The following MYL4 variants were observed in gnomAD, a reference collection of about 807,000 sequenced individuals.
MYL4 encodes atrial myosin light chain 1.
In MYL4, 16 loss-of-function variants were observed where a neutral mutation model predicts 21.6. The ratio of observed to expected loss-of-function variants is 0.74; its 90% CI spans 0.50 to 1.12. The LOEUF is 1.12. Ranked by LOEUF, MYL4 falls within the 50% of genes most tolerant of loss-of-function variation. MYL4 has a pLI of 0.00. For missense variants in MYL4, 249 were observed against 252.9 expected (o/e 0.98, Z 0.11); for synonymous variants, 82 against 95.7 (o/e 0.86, Z 0.83).
At chr17:47,208,275 T>C (rs2064743156), upstream of MYL4, among the ~76,000 whole-genome samples, 1 of 151,156 alleles carries the variant, frequency 6.6e-6, no homozygotes, top group Non-Finnish European at 1.5e-5. Flanking sequence ...ACAAAAAAAC[T>C]CCCCCAAAAT....
In MYL4 at chr17:47,222,409, C is replaced by A; in HGVS notation, c.517C>A (p.Gln173Lys). The stretch of plus-strand genomic sequence containing the variant: ...GAAGATGACTGAGGCTGAAGTGGAG[C>A]AGCTGTTAGCTGGGCAAGAGGATGC... ...GEKMTEAEVE[Q>K]LLAGQEDANG... Residue 173 changes from glutamine (Q) to lysine (K), a missense_variant, in exon 5 of 7, where the codon CAG becomes AAG. Physicochemically the swap from Gln to Lys is moderately conservative, Grantham distance 53. Transcript: ENST00000393450. 3.1e-6 allele frequency: 5 copies of A among 1,614,180 alleles called. No individual in the cohort carries two copies. Among genetic ancestry groups the A allele is most frequent in the Non-Finnish European group, 4.2e-6 (5 of 1,180,026 alleles).
intron 2 of MYL4, among the ~76,000 whole-genome samples, chr17:47,217,513 C>A (rs1369706134): frequency 6.6e-6 from 1 of 151,878 alleles, no homozygotes; most frequent in African/African-American, 2.4e-5. Flanking sequence ...GTGTTATTTC[C>A]TTTTTACAAA....
chr17:47,197,255 C>T (rs1285987374), upstream of MYL4, among the ~76,000 whole-genome samples: 5 of 151,980 alleles, frequency 3.3e-5, no homozygotes, highest in East Asian at 1.9e-4. Context: ...CCCGCCACCA[C>T]GCCTGGCTAA....
chr17:47,213,786 T>G lies in MYL4; in HGVS notation c.136-13T>G. On this transcript the variant is annotated splice_polypyrimidine_tract_variant and intron_variant, in intron 1 of 6. Coordinates refer to ENST00000393450, the MANE Select transcript of MYL4 (RefSeq NM_002476.2). ...AGCAATCCAAGCCCTCACTACTATT[T>G]CCCTCCCTACAGATAGACTTCACTG... is the stretch of plus-strand genomic sequence containing the variant. 6.2e-7 allele frequency: 1 copy of G among 1,613,946 alleles called. No homozygotes were observed. Among genetic ancestry groups the G allele is most frequent in the Non-Finnish European group, 8.5e-7 (1 of 1,179,930 alleles).
At chr17:47,220,609 T>G (rs2064848649) in intron 3 of MYL4, among the ~76,000 whole-genome samples, 1 of 152,204 alleles carries the variant, frequency 6.6e-6, no homozygotes, top group African/African-American at 2.4e-5. Context: ...GTGTTTAGAA[T>G]GGTGAGTAAG....
At chr17:47,201,783 C>T (rs1353461691) in intron 1 of MYL4, among the ~76,000 whole-genome samples, 1 of 152,096 alleles carries the variant, frequency 6.6e-6, no homozygotes, top group Non-Finnish European at 1.5e-5. Flanking sequence ...TCTTTTATCT[C>T]ATTGACCCAG....
upstream of MYL4, among the ~76,000 whole-genome samples, chr17:47,208,483 G>A (rs1312394041): frequency 6.6e-6 from 1 of 151,830 alleles, no homozygotes; most frequent in Non-Finnish European, 1.5e-5. Context: ...TAGGATCATG[G>A]TGAAGATTTA....
chr17:47,224,107 G>A (rs549015814), downstream of MYL4, among the ~76,000 whole-genome samples: 3 of 152,330 alleles, frequency 2.0e-5, no homozygotes, highest in South Asian at 6.2e-4. Flanking sequence ...ATACAAGTCA[G>A]TAGAGTGAGG....
Position 47,220,281 on chromosome 17 carries a change from G to A in MYL4, c.313+228G>A, listed in dbSNP as rs570227160. Reference sequence around the variant, plus strand: ...TGTAGCCTGGGCTTGTTTCCCTCACGAGGTTGGGAGCTCCTGTGGGGCATG... The same window carrying A: ...TGTAGCCTGGGCTTGTTTCCCTCACAAGGTTGGGAGCTCCTGTGGGGCATG... On this transcript the variant is annotated intron_variant, in intron 3 of 6. Transcript: ENST00000393450. 3.2e-4 allele frequency among the ~76,000 whole-genome samples: 49 copies of A among 152,330 alleles called. 1 individual carries two copies. In the South Asian group the frequency reaches 7.5e-3, roughly 23 times the overall value.
intron 2 of MYL4, among the ~76,000 whole-genome samples, chr17:47,218,137 C>G (rs16941671): frequency 0.082 from 12,462 of 151,602 alleles, 699 homozygotes; most frequent in East Asian, 0.2. Flanking sequence ...ATTTATTTGT[C>G]CAAAGTCAAG....
downstream of MYL4, among the ~76,000 whole-genome samples, chr17:47,226,775 T>G (rs1048815484): frequency 4.6e-5 from 7 of 152,228 alleles, no homozygotes; most frequent in African/African-American, 1.7e-4. Context: ...GTGTGTGACC[T>G]CTACACATGG....
At chr17:47,222,285 C>A in intron 4 of MYL4, 95 bp from the exon 5 acceptor site, 2 of 1,224,070 alleles carry the variant, frequency 1.6e-6, no homozygotes, top group Non-Finnish European at 2.4e-6. Context: ...TCCAGGCAGT[C>A]TTGGACCTTC....
chr17:47,220,145 C>T (rs934819271), intron 3 of MYL4, 92 bp downstream of exon 3: 57 of 1,418,760 alleles, frequency 4.0e-5, no homozygotes, highest in Non-Finnish European at 5.3e-5. Flanking sequence ...CATCTGCACT[C>T]TCTCTTCTCC....
chr17:47,221,851 C>CATGGGTATGCCAG lies in MYL4; in HGVS notation c.483_484insATGGGTATGCCAG (p.Leu162MetfsTer11). 1 of 1,612,076 alleles carries CATGGGTATGCCAG rather than the reference C, an allele frequency of 6.2e-7. No individual in the cohort carries two copies. The highest frequency in any genetic ancestry group is 1.1e-5 in the South Asian group (1 of 90,854). ...CTGAGCTTCGGCACGTCCTTGCCAC[C>CATGGGTATGCCAG]CTGGGTATGCCAGCTGGGCAGAGAT... On this transcript the variant is annotated frameshift_variant, in exon 4 of 7. Coordinates refer to ENST00000393450, the MANE Select transcript of MYL4 (RefSeq NM_002476.2). LOFTEE classifies it high-confidence loss of function.
At chr17:47,197,089 AG>A (rs1468900488), upstream of MYL4, among the ~76,000 whole-genome samples, 1 of 141,480 alleles carries the variant, frequency 7.1e-6, no homozygotes, top group African/African-American at 2.7e-5. Context: ...AAATCCTTAA[AG>A]GGTTTTTTTT....
At chr17:47,222,550 T>A in intron 5 of MYL4, 93 bp downstream of exon 5, 1 of 1,221,350 alleles carries the variant, frequency 8.2e-7, no homozygotes, top group South Asian at 1.3e-5. Flanking sequence ...AGGGTATGTG[T>A]CTGAGGTGGG....
At chr17:47,224,424 T>G (rs544489197), downstream of MYL4, among the ~76,000 whole-genome samples, 2 of 152,302 alleles carry the variant, frequency 1.3e-5, no homozygotes, top group African/African-American at 4.8e-5. Flanking sequence ...CACATGGGAA[T>G]TCAAGATGAG....
At chr17:47,219,118 G>C (rs2064835892) in intron 2 of MYL4, among the ~76,000 whole-genome samples, 1 of 152,258 alleles carries the variant, frequency 6.6e-6, no homozygotes, top group Admixed American at 6.5e-5. Flanking sequence ...AAGGCTGTAT[G>C]CGAGTCCATG....
At chr17:47,194,270 A>G in the MYL4 span, among the ~76,000 whole-genome samples, 1 of 152,216 alleles carries the variant, frequency 6.6e-6, no homozygotes, top group Non-Finnish European at 1.5e-5. Context: ...TCCATTGCCC[A>G]AAAGATTAGA....
Sources: allele counts gnomAD v4.1 joint callset (sites outside exome capture counted in the v4.1 genomes callset), GRCh38; gene constraint gnomAD v4.1.1; transcripts MANE v1.5; gene names NCBI Gene and HGNC (gene_info 2026-07-23, HGNC 2026-07-21).